The following SEMA3A variants were observed in gnomAD, a reference collection of about 807,000 sequenced individuals.
SEMA3A encodes semaphorin 3A, also known as semaphorin-3A.
SEMA3A carries 29 observed loss-of-function variants against 97.9 expected under a neutral mutation model. That is an observed-to-expected ratio of 0.30 (90% CI 0.22 to 0.40). SEMA3A has a LOEUF of 0.40. SEMA3A is among the 10% of genes least tolerant of loss of function. The probability of loss-of-function intolerance (pLI) is 1.00; values close to 1 mark genes in which losing one functional copy is unlikely to be tolerated. For missense variants in SEMA3A, 763 were observed against 951.3 expected, an observed-to-expected ratio of 0.80 and a Z score of 2.60; for synonymous variants, 321 against 323.7, an observed-to-expected ratio of 0.99 and a Z score of 0.09.
At chr7:84,144,545 A>T (rs1291545168) in intron 1 of SEMA3A, among the ~76,000 whole-genome samples, 1 of 152,172 alleles carries the variant, frequency 6.6e-6, no homozygotes, top group East Asian at 1.9e-4. Context: ...TTATTAAATA[A>T]AGAATACATT....
chr7:84,059,566 T>C (rs903663267), intron 5 of SEMA3A, among the ~76,000 whole-genome samples: 7 of 152,006 alleles, frequency 4.6e-5, no homozygotes, highest in African/African-American at 1.7e-4. Context: ...AGATTTATTA[T>C]TTAAAATTTA....
At chr7:84,007,635 T>C (rs1790720671) in intron 9 of SEMA3A, 138 bp from the exon 10 acceptor site, 1 of 776,364 alleles carries the variant, frequency 1.3e-6, no homozygotes, top group African/African-American at 1.8e-5. Flanking sequence ...GTTTGGGATT[T>C]TTCTAGTCAC....
chr7:84,477,073 AATAT>A (rs10531036), intron 1 of SEMA3A, among the ~76,000 whole-genome samples: 20 of 140,568 alleles, frequency 1.4e-4, no homozygotes, highest in African/African-American at 3.7e-4. Context: ...AAAAAAAAAA[AATAT>A]ATATATATAT....
At chr7:84,279,660 T>G (rs1800389787) in intron 3 of SEMA3A, among the ~76,000 whole-genome samples, 1 of 152,150 alleles carries the variant, frequency 6.6e-6, no homozygotes. Flanking sequence ...TCAATAAGTT[T>G]GAATGCTTTC....
rs940216123 is a variant in SEMA3A at position 83,974,516 on chromosome 7, A to G, written c.1717+2616T>C. Among the ~76,000 whole-genome samples the G allele has an allele frequency of 2.0e-5, 3 of 152,238 alleles. No individual in the cohort carries two copies. The South Asian group carries it at 6.2e-4, about 32-fold the overall frequency. On this transcript the variant is annotated intron_variant, in intron 15 of 16. Transcript: ENST00000265362. ...CCAGCTTTCTGTGAAAACATCTCAT[A>G]TTTTTATGCTTCCACATGAGCACAT...
intron 4 of SEMA3A, among the ~76,000 whole-genome samples, chr7:84,065,694 T>C (rs916178051): frequency 7.9e-5 from 12 of 152,108 alleles, no homozygotes; most frequent in African/African-American, 2.7e-4. Flanking sequence ...TTCCTCGACG[T>C]ATACACTCTC....
intron 1 of SEMA3A, among the ~76,000 whole-genome samples, chr7:84,178,257 C>T (rs1405006439): frequency 6.6e-6 from 1 of 152,068 alleles, no homozygotes; most frequent in Non-Finnish European, 1.5e-5. Flanking sequence ...TTTTATAACA[C>T]TTATTGTCTA....
At chr7:84,202,297 TTGCATACA>T (rs1485692572) in intron 3 of SEMA3A, among the ~76,000 whole-genome samples, 9 of 152,170 alleles carry the variant, frequency 5.9e-5, no homozygotes, top group Non-Finnish European at 5.9e-5. Flanking sequence ...TCATTCCACA[TTGCATACA>T]TGCTTTAAAA....
At chr7:84,042,942 T>G (rs1792200982) in intron 6 of SEMA3A, among the ~76,000 whole-genome samples, 1 of 152,076 alleles carries the variant, frequency 6.6e-6, no homozygotes, top group Non-Finnish European at 1.5e-5. Flanking sequence ...ATTTGTTTCC[T>G]TACTATAAAT....
intron 4 of SEMA3A, among the ~76,000 whole-genome samples, chr7:84,065,347 A>C (rs1583905436): frequency 7.4e-6 from 1 of 134,810 alleles, no homozygotes; most frequent in African/African-American, 2.9e-5. Flanking sequence ...CCCTAACATC[A>C]CAATTAAAAG....
At chr7:84,334,902 T>G in intron 2 of SEMA3A, among the ~76,000 whole-genome samples, 1 of 145,860 alleles carries the variant, frequency 6.9e-6, no homozygotes, top group African/African-American at 2.5e-5. Flanking sequence ...CATTTTCTAC[T>G]TAGACTACCC....
At chr7:84,132,410 A>G (rs1795987584) in intron 2 of SEMA3A, among the ~76,000 whole-genome samples, 1 of 151,938 alleles carries the variant, frequency 6.6e-6, no homozygotes, top group Admixed American at 6.6e-5. Context: ...TAAGATTTTT[A>G]TTTTATAATT....
At chr7:84,356,867 T>C (rs1382369838) in intron 2 of SEMA3A, among the ~76,000 whole-genome samples, 3 of 151,758 alleles carry the variant, frequency 2.0e-5, no homozygotes, top group African/African-American at 7.2e-5. Flanking sequence ...GATAAAATAA[T>C]TTAGTTTTGA....
intron 3 of SEMA3A, 128 bp from the exon 4 acceptor site, chr7:84,110,717 T>C: frequency 1.0e-6 from 1 of 987,712 alleles, no homozygotes; most frequent in African/African-American, 1.6e-5. Flanking sequence ...GGCATCCCTT[T>C]CACAACATTT....
chr7:84,040,212 A>C (rs1485371390), intron 6 of SEMA3A, among the ~76,000 whole-genome samples: 1 of 146,070 alleles, frequency 6.8e-6, no homozygotes, highest in Non-Finnish European at 1.5e-5. Flanking sequence ...TGATTAGGGT[A>C]TAACAAGTGG....
chr7:84,475,207 A>G (rs147245336), intron 1 of SEMA3A, among the ~76,000 whole-genome samples: 5 of 152,116 alleles, frequency 3.3e-5, no homozygotes, highest in African/African-American at 1.2e-4. Context: ...ATTCAACCTG[A>G]AATTTCCTAA....
At chr7:84,074,054 C>T (rs1426179573) in intron 4 of SEMA3A, among the ~76,000 whole-genome samples, 1 of 152,040 alleles carries the variant, frequency 6.6e-6, no homozygotes, top group African/African-American at 2.4e-5. Flanking sequence ...TGTCTCCATC[C>T]TTCTAAATAA....
chr7:84,444,715 C>T (rs1020688447), intron 1 of SEMA3A, among the ~76,000 whole-genome samples: 2 of 151,982 alleles, frequency 1.3e-5, no homozygotes, highest in African/African-American at 4.8e-5. Flanking sequence ...GTGCCCGCTA[C>T]CACACCTGGC....
At chr7:84,156,455 A>G (rs563851426) in intron 1 of SEMA3A, among the ~76,000 whole-genome samples, 1 of 152,296 alleles carries the variant, frequency 6.6e-6, no homozygotes, top group South Asian at 2.1e-4. Flanking sequence ...TAGCATTTCC[A>G]ATATAATCTA....
Sources: allele counts gnomAD v4.1 joint callset (sites outside exome capture counted in the v4.1 genomes callset), GRCh38; gene constraint gnomAD v4.1.1; transcripts MANE v1.5; gene names NCBI Gene and HGNC (gene_info 2026-07-23, HGNC 2026-07-21).